OPHN1: variants seen among roughly 807,000 people sequenced by gnomAD.
The protein encoded by OPHN1 is oligophrenin-1.
In OPHN1, 11 loss-of-function variants were observed where a neutral mutation model predicts 60.7. The observed-to-expected ratio is 0.18, with a 90% CI of 0.11 to 0.30. OPHN1 has a LOEUF of 0.30. OPHN1 is among the 10% of genes least tolerant of loss of function. The pLI, the probability that OPHN1 is intolerant of heterozygous loss-of-function variation, is 1.00. For missense variants in OPHN1, 449 were observed against 611.0 expected (o/e 0.73, Z 2.80); for synonymous variants, 226 against 222.6 (o/e 1.02, Z -0.14).
At chrX:68,265,875 A>G (rs1199123245) in intron 5 of OPHN1, among the ~76,000 whole-genome samples, 1 of 111,862 alleles carries the variant, frequency 8.9e-6, no homozygotes, top group East Asian at 2.8e-4. Flanking sequence ...GAACTACATG[A>G]TGAATGCACA....
At chrX:68,358,128 T>TAA (rs759439859) in intron 2 of OPHN1, among the ~76,000 whole-genome samples, 5 of 91,128 alleles carry the variant, frequency 5.5e-5, no homozygotes, top group African/African-American at 1.2e-4. Flanking sequence ...CCATCTCTAC[T>TAA]AAAAAAAAAA....
intron 5 of OPHN1, among the ~76,000 whole-genome samples, chrX:68,246,071 C>T (rs759580081): frequency 7.2e-5 from 8 of 111,627 alleles, no homozygotes; most frequent in African/African-American, 2.3e-4. Context: ...TCTCAAAGTA[C>T]GGGAATTACA....
rs775493637 is a variant in OPHN1, at chrX:68,135,998, T to A, written c.1277-16666A>T. On this transcript the variant is annotated intron_variant, in intron 15 of 24. Coordinates refer to ENST00000355520, the MANE Select transcript of OPHN1 (RefSeq NM_002547.3). ...ATAAGTCTGAAGGTCAAGGGAAAGA[T>A]CTGAGCTGGAAAAATAAATCTGAGA... Among the ~76,000 whole-genome samples, 35 of 111,610 alleles carry A rather than the reference T, an allele frequency of 3.1e-4. 1 individual carries two copies. The highest frequency in any genetic ancestry group is 5.6e-4 in the Non-Finnish European group (30 of 53,166).
At chrX:68,274,965 T>C (rs2077985968) in intron 4 of OPHN1, among the ~76,000 whole-genome samples, 156 bp from the exon 5 acceptor site, 1 of 112,350 alleles carries the variant, frequency 8.9e-6, no homozygotes, top group African/African-American at 3.2e-5. Context: ...TTCTATATTG[T>C]TTCTGAAAAA....
intron 6 of OPHN1, among the ~76,000 whole-genome samples, chrX:68,230,878 C>T (rs920349692): frequency 8.2e-5 from 9 of 109,660 alleles, no homozygotes; most frequent in African/African-American, 2.3e-4. Flanking sequence ...CAAACCTGCA[C>T]GTTGTGCACA....
intron 2 of OPHN1, among the ~76,000 whole-genome samples, chrX:68,354,774 A>G (rs890711468): frequency 9.1e-6 from 1 of 109,590 alleles, no homozygotes; most frequent in Non-Finnish European, 1.9e-5. Context: ...AAAAAAACTA[A>G]AAGAAACGTC....
At chrX:68,317,364 A>G (rs187381133) in intron 2 of OPHN1, among the ~76,000 whole-genome samples, 12 of 66,955 alleles carry the variant, frequency 1.8e-4, no homozygotes, top group African/African-American at 7.6e-4. Context: ...AGAAAGAAAG[A>G]AAGAAAGAAA....
At chrX:68,169,210 A>C (rs2077376102) in intron 15 of OPHN1, among the ~76,000 whole-genome samples, 1 of 111,455 alleles carries the variant, frequency 9.0e-6, no homozygotes, top group South Asian at 3.8e-4. Flanking sequence ...ATACCTAGGA[A>C]TCCAACTTAC....
At chrX:68,221,136 C>T (rs1244743131) in intron 6 of OPHN1, among the ~76,000 whole-genome samples, 5 of 82,087 alleles carry the variant, frequency 6.1e-5, no homozygotes, top group Admixed American at 1.6e-4. Flanking sequence ...TATACACCAA[C>T]AACAGACAGA....
intron 5 of OPHN1, among the ~76,000 whole-genome samples, chrX:68,236,417 A>G (rs1327252126): frequency 8.9e-6 from 1 of 112,426 alleles, no homozygotes; most frequent in Admixed American, 9.4e-5. Context: ...TCATATCATA[A>G]AACTCATCCT....
At chrX:68,073,913 T>A (rs747932464) in intron 19 of OPHN1, among the ~76,000 whole-genome samples, 1 of 112,692 alleles carries the variant, frequency 8.9e-6, no homozygotes, top group South Asian at 3.7e-4. Flanking sequence ...TGGTACATTA[T>A]CTATTCAATA....
intron 2 of OPHN1, among the ~76,000 whole-genome samples, chrX:68,430,072 A>G (rs2078878397): frequency 8.9e-6 from 1 of 111,876 alleles, no homozygotes; most frequent in African/African-American, 3.2e-5. Context: ...TTTGTGTTAG[A>G]TCCCAAGATG....
intron 2 of OPHN1, among the ~76,000 whole-genome samples, chrX:68,320,354 A>AT (rs2078229749): frequency 9.0e-6 from 1 of 111,130 alleles, no homozygotes; most frequent in South Asian, 3.8e-4. Context: ...GTCTCAAAAA[A>AT]ATATATATAA....
At chrX:68,222,292 G>A (rs376411434) in intron 6 of OPHN1, among the ~76,000 whole-genome samples, 8 of 105,767 alleles carry the variant, frequency 7.6e-5, no homozygotes, top group Non-Finnish European at 1.2e-4. Context: ...GGTGCTGGAG[G>A]GGATGTGGAG....
chrX:68,257,215 G>C (rs1158317383), intron 5 of OPHN1, among the ~76,000 whole-genome samples: 3 of 111,932 alleles, frequency 2.7e-5, no homozygotes, highest in Non-Finnish European at 5.6e-5. Context: ...ATATCTGCAA[G>C]GTATGCATTT....
intron 5 of OPHN1, among the ~76,000 whole-genome samples, chrX:68,266,045 C>G (rs1423085309): frequency 9.0e-6 from 1 of 111,514 alleles, no homozygotes; most frequent in Non-Finnish European, 1.9e-5. Context: ...ACCAAATCTA[C>G]GTCTGATTGG....
intron 6 of OPHN1, among the ~76,000 whole-genome samples, chrX:68,228,543 C>A (rs1189999309): frequency 8.9e-6 from 1 of 111,749 alleles, no homozygotes; most frequent in Non-Finnish European, 1.9e-5. Context: ...TCCAGCAGCA[C>A]ATCAAAAAGC....
At chrX:68,092,072 C>T (rs969099766) in intron 19 of OPHN1, among the ~76,000 whole-genome samples, 1 of 111,745 alleles carries the variant, frequency 8.9e-6, no homozygotes. Context: ...ACTGTATTTA[C>T]AGACCCTGGA....
intron 2 of OPHN1, among the ~76,000 whole-genome samples, chrX:68,379,394 C>T (rs1429214133): frequency 8.2e-5 from 9 of 109,973 alleles, no homozygotes; most frequent in Non-Finnish European, 1.3e-4. Flanking sequence ...ATTTGACTTC[C>T]TCTTTTCCTA....
Sources: gnomAD v4.1 joint callset for allele counts (sites outside exome capture counted in the v4.1 genomes callset) on GRCh38, gnomAD v4.1.1 for gene constraint, MANE v1.5 for transcripts, NCBI Gene and HGNC (gene_info 2026-07-23, HGNC 2026-07-21) for gene names.